The following NRDE2 variants were observed in gnomAD, a reference collection of about 807,000 sequenced individuals.
NRDE2 encodes the protein nuclear exosome regulator NRDE2.
NRDE2 carries 76 observed loss-of-function variants against 124.2 expected under a neutral mutation model. The ratio of observed to expected loss-of-function variants is 0.61; its 90% CI spans 0.51 to 0.74. The LOEUF is 0.74. Ranked by LOEUF, NRDE2 falls within the 30% of genes least tolerant of loss-of-function variation. NRDE2 has a pLI of 0.00. For synonymous variants in NRDE2, 489 were observed against 528.1 expected (o/e 0.93, Z 1.01); for missense variants, 1,314 against 1,417.3 (o/e 0.93, Z 1.17).
In NRDE2 at chr14:90,292,649, G is replaced by C. The variant is rs200053323; in HGVS notation, c.1842+48C>G. On this transcript the variant is annotated intron_variant, in intron 9 of 13. Transcript: ENST00000354366. The stretch of plus-strand genomic sequence containing the variant: ...CCAAAGCGCATGGGAATGGAAAGCA[G>C]GCAGGGACCCCCTGGACAGCTTCCT... 29 of 1,581,660 alleles carry C rather than the reference G, an allele frequency of 1.8e-5. No homozygotes were observed. The African/African-American group carries it at 3.6e-4, about 20-fold the overall frequency.
chr14:90,298,454 G>A (rs1884264038), intron 7 of NRDE2, 74 bp from the exon 8 acceptor site: 3 of 1,453,388 alleles, frequency 2.1e-6, no homozygotes, highest in Non-Finnish European at 2.9e-6. Context: ...AATCCGCGCT[G>A]GTGGATATAA....
At chr14:90,297,571 G>T (rs1036734192) in intron 8 of NRDE2, among the ~76,000 whole-genome samples, 2 of 152,106 alleles carry the variant, frequency 1.3e-5, no homozygotes, top group Non-Finnish European at 2.9e-5. Flanking sequence ...TCCTAAAAAG[G>T]TATTTTTCAA....
At position 90,327,946 on chromosome 14, in the gene NRDE2, A is replaced by C. The variant is rs1885504336; in HGVS notation, c.64+3895T>G. On this transcript the variant is annotated intron_variant, in intron 1 of 13. Transcript: ENST00000354366. ...ATCATGAGGTCAGGAGATTGAGACC[A>C]CTCTGGCTAACATGGTGAAACCCCC... Among the ~76,000 whole-genome samples, 3 of 152,262 alleles carry C rather than the reference A, an allele frequency of 2.0e-5. No homozygotes were observed. The South Asian group carries it at 6.2e-4, about 32-fold the overall frequency.
intron 1 of NRDE2, among the ~76,000 whole-genome samples, chr14:90,319,239 G>A (rs1885157987): frequency 1.3e-5 from 2 of 152,210 alleles, no homozygotes; most frequent in African/African-American, 4.8e-5. Flanking sequence ...GGAGGCCAGA[G>A]CTTATTCATA....
rs1274780321 is a variant in NRDE2, at chr14:90,268,467, C to T, written c.*9869G>A. 3 of 1,556,544 alleles carry T rather than the reference C, an allele frequency of 1.9e-6. No homozygotes were observed. The highest frequency in any genetic ancestry group is 1.8e-6 in the Non-Finnish European group (2 of 1,135,938). ...GTTTAGTAGGGAACACCGCATAGCT[C>T]TTCTCTTGAGAATGAGCAATCTCAG... On this transcript the variant is annotated 3_prime_UTR_variant, in exon 14 of 14. Transcript: ENST00000354366.
chr14:90,320,156 G>A (rs1476239560), intron 1 of NRDE2, among the ~76,000 whole-genome samples: 1 of 152,080 alleles, frequency 6.6e-6, no homozygotes, highest in Non-Finnish European at 1.5e-5. Flanking sequence ...AGCTCCTTAA[G>A]TAACTGTATT....
At chr14:90,315,617 C>T (rs536046903) in intron 3 of NRDE2, among the ~76,000 whole-genome samples, 6 of 152,218 alleles carry the variant, frequency 3.9e-5, no homozygotes, top group African/African-American at 1.4e-4. Context: ...TATTGAGCAC[C>T]TATGCTGTGG....
intron 7 of NRDE2, among the ~76,000 whole-genome samples, chr14:90,300,015 T>C (rs958195817): frequency 6.6e-6 from 1 of 152,220 alleles, no homozygotes; most frequent in Non-Finnish European, 1.5e-5. Context: ...TGGAATCACA[T>C]GTGCTATTCG....
Position 90,272,266 on chromosome 14 carries a change from C to T in NRDE2, c.*6070G>A, listed in dbSNP as rs775225237. Reference sequence around the variant, plus strand: ...TCACTTTCTGAACACACTCTTCTTTCTTACAGGCAATCTGTACAGAAGCTG... The same window carrying T: ...TCACTTTCTGAACACACTCTTCTTTTTTACAGGCAATCTGTACAGAAGCTG... On this transcript the variant is annotated 3_prime_UTR_variant, in exon 14 of 14. Coordinates refer to ENST00000354366, the MANE Select transcript of NRDE2 (RefSeq NM_017970.4). This position sits in a 1 kb window ranked among gnomAD's most constrained non-coding sequence, Gnocchi z 4.5. 6.2e-7 allele frequency: 1 copy of T among 1,601,898 alleles called. No individual in the cohort carries two copies. Among genetic ancestry groups the T allele is most frequent in the African/African-American group, 1.4e-5 (1 of 74,034 alleles).
intron 2 of NRDE2, among the ~76,000 whole-genome samples, chr14:90,317,062 T>C (rs1885073113): frequency 6.6e-6 from 1 of 152,304 alleles, no homozygotes; most frequent in South Asian, 2.1e-4. Flanking sequence ...TTCTTATTTA[T>C]ACATCTTTAA....
intron 1 of NRDE2, among the ~76,000 whole-genome samples, chr14:90,323,922 GT>G (rs1263403551): frequency 2.0e-5 from 3 of 151,982 alleles, no homozygotes; most frequent in Admixed American, 6.6e-5. Context: ...CCAAGTACTG[GT>G]CTAGGTGCTA....
Position 90,274,838 on chromosome 14 carries a change from A to ACCCCCCCCC in NRDE2, c.*3497_*3498insGGGGGGGGG, listed in dbSNP as rs1206866308. On this transcript the variant is annotated 3_prime_UTR_variant, in exon 14 of 14. Transcript: ENST00000354366. Reference sequence around the variant, plus strand: ...CACACACACACACACACACACACACACCCCAATACATATGAATTGATCTGA... The same window carrying ACCCCCCCCC: ...CACACACACACACACACACACACACACCCCCCCCCCCCCAATACATATGAATTGATCTGA... 1.5e-5 allele frequency: 1 copy of ACCCCCCCCC among 67,218 alleles called. No homozygotes were observed. The highest frequency in any genetic ancestry group is 3.2e-5 in the Non-Finnish European group (1 of 31,318). The allele number at this position is 67,218 out of a possible 1,614,324, so 4.2% of individuals were successfully genotyped here.
Position 90,288,205 on chromosome 14 carries a change from G to T in NRDE2, c.3158+12C>A, listed in dbSNP as rs1437299206. On this transcript the variant is annotated intron_variant, in intron 11 of 13. Coordinates refer to ENST00000354366, the MANE Select transcript of NRDE2 (RefSeq NM_017970.4). ...ATTTGCGGGGCACACGAACAGAACG[G>T]TCTGGAATTACCTCTGGACAGTTTC... 1 of 1,608,052 alleles carries T rather than the reference G, an allele frequency of 6.2e-7. No homozygotes were observed. The highest frequency in any genetic ancestry group is 1.1e-5 in the South Asian group (1 of 90,182).
chr14:90,316,749 CTTGT>C lies in NRDE2; in HGVS notation c.232_235del (p.Thr78ValfsTer80), dbSNP rs760290095. ...CTTTTTCTCTTTCTTCTTTTTTCTACTTGTTTGTTTGAGCTTTTTGTTAGTGTCA... is the reference window on the plus strand; with the variant it reads ...CTTTTTCTCTTTCTTCTTTTTTCTACTTGTTTGAGCTTTTTGTTAGTGTCA... On this transcript the variant is annotated frameshift_variant, in exon 3 of 14. Transcript: ENST00000354366. LOFTEE classifies it high-confidence loss of function. 6.8e-6 allele frequency: 11 copies of C among 1,613,102 alleles called. No individual in the cohort carries two copies. The highest frequency in any genetic ancestry group is 2.7e-5 in the African/African-American group (2 of 74,812).
intron 4 of NRDE2, among the ~76,000 whole-genome samples, chr14:90,311,401 TG>T (rs754405176): frequency 2.0e-5 from 3 of 152,268 alleles, no homozygotes; most frequent in South Asian, 4.1e-4. Flanking sequence ...GGGAGGGGCT[TG>T]GTGGGAGGTA....
chr14:90,325,321 C>T (rs1445904364), intron 1 of NRDE2, among the ~76,000 whole-genome samples: 2 of 152,094 alleles, frequency 1.3e-5, no homozygotes, highest in Non-Finnish European at 2.9e-5. Context: ...TCCCAAGCAA[C>T]AATGTTCTAG....
In NRDE2 at chr14:90,288,367, G is replaced by A; in HGVS notation, c.3008C>T (p.Ser1003Phe). The A allele has an allele frequency of 6.2e-7, 1 of 1,614,124 alleles. No individual in the cohort carries two copies. The highest frequency in any genetic ancestry group is 8.5e-7 in the Non-Finnish European group (1 of 1,180,026). Residue 1003 changes from serine to phenylalanine, a missense_variant, in exon 11 of 14, where the codon TCC becomes TTC. Coordinates refer to ENST00000354366, the MANE Select transcript of NRDE2 (RefSeq NM_017970.4). ...LYPGNQVLWR[S>F]YVQIQNKSHS... is the part of the protein sequence containing the mutation. ...GGACTTATTCTGAATCTGTACATAG[G>A]ACCTCCAAAGAACCTGGTTGCCTGG...
At position 90,301,231 on chromosome 14, in the gene NRDE2, C is replaced by T. The variant is rs759404497; in HGVS notation, c.1545+8G>A. On this transcript the variant is annotated splice_region_variant and intron_variant, in intron 7 of 13. Coordinates refer to ENST00000354366, the MANE Select transcript of NRDE2 (RefSeq NM_017970.4). Reference sequence around the variant, plus strand: ...GAAGAGAGAGATGAGGCGAGCAGAGCTGGGTACCTGTCCTTTGGTAGGCAG... The same window carrying T: ...GAAGAGAGAGATGAGGCGAGCAGAGTTGGGTACCTGTCCTTTGGTAGGCAG... 2 of 1,613,166 alleles carry T rather than the reference C, an allele frequency of 1.2e-6. No homozygotes were observed. Among genetic ancestry groups the T allele is most frequent in the East Asian group, 2.2e-5 (1 of 44,854 alleles).
In NRDE2 at chr14:90,268,103, T is replaced by C; in HGVS notation, c.*10233A>G. 1.4e-6 allele frequency: 1 copy of C among 714,450 alleles called. No homozygotes were observed. Among genetic ancestry groups the C allele is most frequent in the Non-Finnish European group, 2.2e-6 (1 of 446,198 alleles). The allele number at this position is 714,450 out of a possible 1,614,324, so 44.3% of individuals were successfully genotyped here. A position where few individuals can be genotyped will look rare whatever the true frequency, so the allele number is the denominator to read the frequency against. On this transcript the variant is annotated 3_prime_UTR_variant, in exon 14 of 14. Coordinates refer to ENST00000354366, the MANE Select transcript of NRDE2 (RefSeq NM_017970.4). The stretch of plus-strand genomic sequence containing the variant: ...TGTCGTGACACTTGAATTGGTGCCA[T>C]GCCTTAGCATGAGGGCCCGCCTGTT...
Sources: allele counts gnomAD v4.1 joint callset (sites outside exome capture counted in the v4.1 genomes callset), GRCh38; gene constraint gnomAD v4.1.1; non-coding constraint Gnocchi (gnomAD v3.1); transcripts MANE v1.5; gene names NCBI Gene and HGNC (gene_info 2026-07-23, HGNC 2026-07-21).